The following CAMK1D variants were observed in gnomAD, a reference collection of about 807,000 sequenced individuals.
CAMK1D encodes calcium/calmodulin dependent protein kinase ID, also known as calcium/calmodulin-dependent protein kinase type 1D.
A neutral mutation model predicts 47.7 loss-of-function variants in CAMK1D; 9 were observed. The ratio of observed to expected loss-of-function variants is 0.19; its 90% confidence interval spans 0.11 to 0.33. The LOEUF is 0.33. CAMK1D is among the 10% of genes least tolerant of loss of function. The pLI is 1.00. For synonymous variants in CAMK1D, 184 were observed against 184.9 expected, an observed-to-expected ratio of 0.99 and a Z score of 0.04; for missense variants, 291 against 488.7, an observed-to-expected ratio of 0.60 and a Z score of 3.81.
intron 7 of CAMK1D, among the ~76,000 whole-genome samples, chr10:12,815,537 C>A (rs1001016894): frequency 7.9e-5 from 12 of 152,248 alleles, no homozygotes; most frequent in Non-Finnish European, 1.6e-4. Context: ...CTCAGAGGAG[C>A]ACAGCCTTCC....
chr10:12,474,679 A>AT (rs920785768), intron 1 of CAMK1D, among the ~76,000 whole-genome samples: 15 of 151,846 alleles, frequency 9.9e-5, no homozygotes, highest in East Asian at 1.9e-4. Flanking sequence ...TGCTGTACAG[A>AT]TTTTTTTTAT....
intron 1 of CAMK1D, among the ~76,000 whole-genome samples, chr10:12,517,269 T>C (rs1448710083): frequency 6.6e-6 from 1 of 152,236 alleles, no homozygotes; most frequent in African/African-American, 2.4e-5. Context: ...AGATGCTTTT[T>C]TTGGGTCAGT....
chr10:12,350,056 C>T (rs1013442697), intron 1 of CAMK1D, 146 bp downstream of exon 1: 2 of 326,828 alleles, frequency 6.1e-6, no homozygotes, highest in Non-Finnish European at 1.1e-5. Flanking sequence ...CTGCGGAGCC[C>T]CCCCGAGCGC....
chr10:12,777,938 G>A lies in CAMK1D; in HGVS notation c.565+8139G>A, dbSNP rs575468784. Among the ~76,000 whole-genome samples, 343 of 152,344 alleles carry A rather than the reference G, an allele frequency of 2.3e-3. 2 individuals are homozygous for A. Among genetic ancestry groups the A allele is most frequent in the Non-Finnish European group, 2.9e-3 (197 of 68,034 alleles). On this transcript the variant is annotated intron_variant, in intron 5 of 10. Coordinates refer to ENST00000619168, the MANE Select transcript of CAMK1D (RefSeq NM_153498.4). Reference sequence around the variant, plus strand: ...TGGCAGCTGCGAGGGAGGAGGGAGAGAGAGCTGCCACTTGTGATTCAGGGA... The same window carrying A: ...TGGCAGCTGCGAGGGAGGAGGGAGAAAGAGCTGCCACTTGTGATTCAGGGA...
chr10:12,696,533 T>G (rs1833305032), intron 3 of CAMK1D, among the ~76,000 whole-genome samples: 1 of 152,124 alleles, frequency 6.6e-6, no homozygotes, highest in Non-Finnish European at 1.5e-5. Context: ...CGAGACTCCA[T>G]CTCAAAAACA....
intron 3 of CAMK1D, among the ~76,000 whole-genome samples, chr10:12,751,315 C>A (rs962006023): frequency 3.9e-5 from 6 of 152,050 alleles, no homozygotes; most frequent in African/African-American, 1.5e-4. Context: ...GAGTGAGTGG[C>A]ATGATCATAG....
intron 1 of CAMK1D, among the ~76,000 whole-genome samples, chr10:12,449,592 C>T (rs565523757): frequency 1.9e-4 from 28 of 149,830 alleles, no homozygotes; most frequent in African/African-American, 3.2e-4. Flanking sequence ...CATCATGTTA[C>T]GATGTATACA....
In CAMK1D at chr10:12,373,783, T is replaced by G. The variant is rs74517483; in HGVS notation, c.92+23873T>G. ...GCGTCACATTTTCTCTGTTAAGAGC[T>G]CAGGGGGCAGTCCAGATGCGGTGGC... On this transcript the variant is annotated intron_variant, in intron 1 of 10. Transcript: ENST00000619168. Among the ~76,000 whole-genome samples the G allele has an allele frequency of 3.9e-3, 587 of 150,474 alleles. 12 individuals carry two copies. The East Asian group carries it at 0.047, about 12-fold the overall frequency.
At chr10:12,378,257 AT>A (rs1384301744) in intron 1 of CAMK1D, among the ~76,000 whole-genome samples, 1 of 152,000 alleles carries the variant, frequency 6.6e-6, no homozygotes, top group Non-Finnish European at 1.5e-5. Context: ...TAATAGATAT[AT>A]TTTTTAGATA....
intron 1 of CAMK1D, among the ~76,000 whole-genome samples, chr10:12,498,833 G>C (rs1271897941): frequency 6.6e-6 from 1 of 152,064 alleles, no homozygotes; most frequent in Non-Finnish European, 1.5e-5. Flanking sequence ...ACTTGTTGGG[G>C]GTTCAATTTA....
At chr10:12,467,511 A>G (rs1383144849) in intron 1 of CAMK1D, among the ~76,000 whole-genome samples, 2 of 152,198 alleles carry the variant, frequency 1.3e-5, no homozygotes, top group Admixed American at 6.5e-5. Context: ...GACTTGAGCC[A>G]TGTCCCAACC....
At chr10:12,590,016 T>C (rs1564431290) in intron 2 of CAMK1D, among the ~76,000 whole-genome samples, 1 of 152,158 alleles carries the variant, frequency 6.6e-6, no homozygotes, top group African/African-American at 2.4e-5. Flanking sequence ...TTGCCAATTA[T>C]AATATGCTAA....
intron 5 of CAMK1D, among the ~76,000 whole-genome samples, chr10:12,779,772 C>T (rs1031660348): frequency 1.3e-5 from 2 of 150,842 alleles, no homozygotes; most frequent in African/African-American, 4.9e-5. Context: ...CAGTTCATCA[C>T]CTAGCAGTAT....
chr10:12,402,491 C>G (rs1272879736), intron 1 of CAMK1D, among the ~76,000 whole-genome samples: 3 of 152,218 alleles, frequency 2.0e-5, no homozygotes, highest in Admixed American at 6.5e-5. Flanking sequence ...CTCGGCCTCC[C>G]AAGTGGGACT....
At chr10:12,795,819 G>A (rs936039728) in intron 6 of CAMK1D, among the ~76,000 whole-genome samples, 6 of 152,178 alleles carry the variant, frequency 3.9e-5, no homozygotes, top group Non-Finnish European at 8.8e-5. Flanking sequence ...CATGTGATGA[G>A]TTCTTATCCT....
At chr10:12,684,449 T>G (rs557603562) in intron 3 of CAMK1D, among the ~76,000 whole-genome samples, 1 of 152,150 alleles carries the variant, frequency 6.6e-6, no homozygotes, top group Non-Finnish European at 1.5e-5. Context: ...CCAGGTATTT[T>G]AGGTTATAAG....
At chr10:12,823,114 A>G (rs907741192) in intron 8 of CAMK1D, among the ~76,000 whole-genome samples, 3 of 152,136 alleles carry the variant, frequency 2.0e-5, no homozygotes, top group Non-Finnish European at 4.4e-5. Flanking sequence ...TCTGGCTGGT[A>G]TTCTCTCTTG....
intron 2 of CAMK1D, among the ~76,000 whole-genome samples, chr10:12,570,248 A>G (rs1348037792): frequency 6.6e-6 from 1 of 152,190 alleles, no homozygotes; most frequent in Non-Finnish European, 1.5e-5. Context: ...TAAATAGTTT[A>G]GATTTGTCAT....
At chr10:12,712,152 A>G (rs1313975816) in intron 3 of CAMK1D, among the ~76,000 whole-genome samples, 1 of 152,260 alleles carries the variant, frequency 6.6e-6, no homozygotes, top group Non-Finnish European at 1.5e-5. Context: ...GCTTTTAAGA[A>G]CTTCACCAAG....
Sources: allele counts gnomAD v4.1 joint callset (sites outside exome capture counted in the v4.1 genomes callset), GRCh38; gene constraint gnomAD v4.1.1; transcripts MANE v1.5; gene names NCBI Gene and HGNC (gene_info 2026-07-23, HGNC 2026-07-21).